The following SIRT5 variants were observed in gnomAD, a reference collection of about 807,000 sequenced individuals.
The protein encoded by SIRT5 is sirtuin 5.
Under a neutral mutation model 40.0 loss-of-function variants are expected in SIRT5, and 26 were observed. The ratio of observed to expected loss-of-function variants is 0.65; its 90% CI spans 0.48 to 0.90. The LOEUF (loss-of-function observed/expected upper bound fraction) is 0.90. Among genes scored for constraint, SIRT5 ranks in the 40% least tolerant of loss-of-function variants. The pLI is 0.00. For missense variants in SIRT5, 401 were observed against 402.4 expected (o/e 1.00, Z 0.03); for synonymous variants, 146 against 149.1 (o/e 0.98, Z 0.15).
intron 4 of SIRT5, 57 bp from the exon 5 acceptor site, chr6:13,591,612 G>T: frequency 7.1e-7 from 1 of 1,409,840 alleles, no homozygotes; most frequent in Non-Finnish European, 9.5e-7. Context: ...GTGCCCCAGG[G>T]TTCAGCATCC....
In SIRT5 at chr6:13,613,589, A is replaced by G. The variant is rs188487634; in HGVS notation, c.*1724A>G. On this transcript the variant is annotated 3_prime_UTR_variant, in exon 10 of 10. Coordinates refer to ENST00000606117, the MANE Select transcript of SIRT5 (RefSeq NM_012241.5). ...ATATAAAACTTTGTACTGCATTGCA[A>G]GGCATAACCTTTAATAAATCCCAGT... The G allele has an allele frequency of 6.6e-6, 1 of 152,366 alleles. No individual in the cohort carries two copies. Among genetic ancestry groups the G allele is most frequent in the East Asian group, 1.9e-4 (1 of 5,192 alleles). The allele number at this position is 152,366 out of a possible 1,614,324, so 9.4% of individuals were successfully genotyped here.
chr6:13,585,177 C>T (rs1214545131), intron 3 of SIRT5: 2 of 151,986 alleles, frequency 1.3e-5, no homozygotes, highest in Admixed American at 6.6e-5. Flanking sequence ...TGCAACCTGA[C>T]GAGAATGGCG....
At chr6:13,577,256 A>G (rs981778676) in intron 1 of SIRT5, among the ~76,000 whole-genome samples, 1 of 152,186 alleles carries the variant, frequency 6.6e-6, no homozygotes, top group Non-Finnish European at 1.5e-5. Context: ...TGGACACTTT[A>G]ACAACCATTA....
rs955131056 is a variant in SIRT5 at position 13,607,581 on chromosome 6, C to T, written c.858-4209C>T. Among the ~76,000 whole-genome samples, 11 of 152,174 alleles carry T rather than the reference C, an allele frequency of 7.2e-5. No individual in the cohort carries two copies. The East Asian group carries it at 7.7e-4, about 11-fold the overall frequency. On this transcript the variant is annotated intron_variant, in intron 9 of 9. Transcript: ENST00000606117. This position sits in a 1 kb window ranked among gnomAD's most constrained non-coding sequence, Gnocchi z 4.0. ...GCAGATGTGCAGCTAACACTGTAGT[C>T]GTGGTTGTCCTACAACTGGTGGGGG...
rs774195427 is a variant in SIRT5 at position 13,584,170 on chromosome 6, G to A, written c.60G>A (p.Lys20=). 5 of 1,614,142 alleles carry A rather than the reference G, an allele frequency of 3.1e-6. No homozygotes were observed. In the African/African-American group the frequency reaches 6.7e-5, roughly 22 times the overall value. Residue 20 remains lysine, a synonymous_variant, in exon 3 of 10, where the codon AAG becomes AAA. Coordinates refer to ENST00000606117, the MANE Select transcript of SIRT5 (RefSeq NM_012241.5). ...TTTCCCAGCTATATTGTGGCCTGAA[G>A]CCTCCAGCGTCCACACGAAACCAGA... ...RLISQLYCGL[K]PPASTRNQIC...
chr6:13,608,821 A>ATTTTTTTTTTTTTTTTTTTTTTTTT (rs144601335), intron 9 of SIRT5, among the ~76,000 whole-genome samples: 2 of 146,358 alleles, frequency 1.4e-5, no homozygotes, highest in Non-Finnish European at 1.5e-5. Flanking sequence ...ATTTTATTGG[A>ATTTTTTTTTTTTTTTTTTTTTTTTT]TTTTTTTTTT....
intron 7 of SIRT5, among the ~76,000 whole-genome samples, chr6:13,598,685 T>C (rs1761941558): frequency 6.6e-6 from 1 of 151,924 alleles, no homozygotes; most frequent in Non-Finnish European, 1.5e-5. Context: ...GAAAATTAGC[T>C]GGGTGTGGTC....
intron 3 of SIRT5, among the ~76,000 whole-genome samples, chr6:13,586,849 G>A (rs918077217): frequency 6.6e-6 from 1 of 152,130 alleles, no homozygotes; most frequent in Non-Finnish European, 1.5e-5. Context: ...GAAACCAGTA[G>A]GATGCCCCTT....
intron 9 of SIRT5, among the ~76,000 whole-genome samples, chr6:13,611,288 AAAGT>A (rs1419704338): frequency 2.0e-5 from 3 of 148,996 alleles, no homozygotes; most frequent in Non-Finnish European, 4.4e-5. Context: ...TATACACAAA[AAAGT>A]ATGTATTGTG....
chr6:13,596,760 T>G (rs1312459232), intron 6 of SIRT5, among the ~76,000 whole-genome samples: 1 of 152,236 alleles, frequency 6.6e-6, no homozygotes, highest in Non-Finnish European at 1.5e-5. Flanking sequence ...ATGCTGGGAT[T>G]ACAGGCATGA....
At chr6:13,596,114 G>A (rs962928345) in intron 6 of SIRT5, among the ~76,000 whole-genome samples, 5 of 152,186 alleles carry the variant, frequency 3.3e-5, no homozygotes, top group African/African-American at 9.7e-5. Context: ...CAATGAGTTC[G>A]TGTATCTGTA....
intron 3 of SIRT5, among the ~76,000 whole-genome samples, chr6:13,586,300 A>C (rs1760073227): frequency 6.6e-6 from 1 of 152,164 alleles, no homozygotes; most frequent in African/African-American, 2.4e-5. Context: ...TTGGTGTTTT[A>C]GTCATGAAGT....
upstream of SIRT5, chr6:13,574,388 G>C (rs1271442343): frequency 6.6e-6 from 1 of 152,044 alleles, no homozygotes; most frequent in East Asian, 1.9e-4. Flanking sequence ...ACCAAGCACT[G>C]CTCTCGCGGG....
chr6:13,594,756 A>G (rs1761362645), intron 5 of SIRT5, among the ~76,000 whole-genome samples: 1 of 152,246 alleles, frequency 6.6e-6, no homozygotes, highest in South Asian at 2.1e-4. Flanking sequence ...CATGTCCACT[A>G]GGGTTGAAAG....
At chr6:13,609,714 C>T (rs1201500245) in intron 9 of SIRT5, among the ~76,000 whole-genome samples, 2 of 152,118 alleles carry the variant, frequency 1.3e-5, no homozygotes, top group African/African-American at 2.4e-5. Context: ...GGAACAAAAT[C>T]CAAAAGCAGT....
In SIRT5 at chr6:13,599,136, A is replaced by G; in HGVS notation, c.722A>G (p.His241Arg). 2 of 1,613,926 alleles carry G rather than the reference A, an allele frequency of 1.2e-6. No homozygotes were observed. Among genetic ancestry groups the G allele is most frequent in the Non-Finnish European group, 1.7e-6 (2 of 1,179,902 alleles). ...GAGGAGGTTGACAGAGAGCTCGCCCACTGTGATTTATGTCTAGTGGTGGGT... is the reference window on the plus strand; with the variant it reads ...GAGGAGGTTGACAGAGAGCTCGCCCGCTGTGATTTATGTCTAGTGGTGGGT... ...ILEEVDRELA[H>R]CDLCLVVGTS... The change falls in exon 8 of 10, where the codon CAC becomes CGC. Residue 241 changes from histidine (H) to arginine (R), a missense_variant. His to Arg is a conservative substitution (Grantham distance 29). Coordinates refer to ENST00000606117, the MANE Select transcript of SIRT5 (RefSeq NM_012241.5).
upstream of SIRT5, among the ~76,000 whole-genome samples, chr6:13,574,306 G>T (rs924348450): frequency 5.3e-5 from 8 of 152,224 alleles, no homozygotes; most frequent in Admixed American, 3.3e-4. Context: ...GCCTCCCGCA[G>T]GTGCGTCTCT....
At chr6:13,590,741 GTGTA>G (rs1264014316) in intron 4 of SIRT5, among the ~76,000 whole-genome samples, 3 of 151,724 alleles carry the variant, frequency 2.0e-5, no homozygotes, top group Admixed American at 2.0e-4. Flanking sequence ...ATGTAGTTGT[GTGTA>G]TGTACAGTTG....
intron 9 of SIRT5, among the ~76,000 whole-genome samples, chr6:13,609,213 A>G (rs564913647): frequency 6.6e-6 from 1 of 152,320 alleles, no homozygotes; most frequent in East Asian, 1.9e-4. Flanking sequence ...GGAAGGAGAC[A>G]GTTCCTCCTG....
Sources: allele counts gnomAD v4.1 joint callset (sites outside exome capture counted in the v4.1 genomes callset), GRCh38; gene constraint gnomAD v4.1.1; non-coding constraint Gnocchi (gnomAD v3.1); transcripts MANE v1.5; gene names NCBI Gene and HGNC (gene_info 2026-07-23, HGNC 2026-07-21).